Variants in EFL1 observed in about 807,000 individuals in gnomAD.
EFL1 encodes elongation factor-like GTPase 1.
In EFL1, 76 loss-of-function variants were observed where a neutral mutation model predicts 126.7. The ratio of observed to expected loss-of-function variants is 0.60; its 90% CI spans 0.50 to 0.73. The LOEUF (loss-of-function observed/expected upper bound fraction) is 0.73. Ranked by LOEUF, EFL1 falls within the 30% of genes least tolerant of loss-of-function variation. The pLI is 0.00. For synonymous variants in EFL1, 410 were observed against 448.4 expected, an observed-to-expected ratio of 0.91 and a Z score of 1.08; for missense variants, 1,128 against 1,343.2, an observed-to-expected ratio of 0.84 and a Z score of 2.50.
At chr15:82,208,060 C>G (rs2074544874) in intron 15 of EFL1, among the ~76,000 whole-genome samples, 1 of 152,094 alleles carries the variant, frequency 6.6e-6, no homozygotes, top group Non-Finnish European at 1.5e-5. Flanking sequence ...ATGGTTTACA[C>G]TATACTGAAA....
intron 15 of EFL1, among the ~76,000 whole-genome samples, chr15:82,208,290 T>C (rs2074546740): frequency 6.6e-6 from 1 of 152,206 alleles, no homozygotes; most frequent in Non-Finnish European, 1.5e-5. Flanking sequence ...GAAGAAAAGG[T>C]AATTCTTACG....
intron 15 of EFL1, among the ~76,000 whole-genome samples, chr15:82,197,709 G>C (rs1479598226): frequency 1.3e-5 from 2 of 152,162 alleles, no homozygotes; most frequent in South Asian, 4.1e-4. Flanking sequence ...AGTTGGAAGA[G>C]GGGTAGGAGG....
chr15:82,256,154 C>T (rs2075064849), intron 3 of EFL1, among the ~76,000 whole-genome samples: 1 of 152,134 alleles, frequency 6.6e-6, no homozygotes. Context: ...GTGCTATCCA[C>T]CAGGCCGGAG....
intron 15 of EFL1, among the ~76,000 whole-genome samples, chr15:82,180,211 C>T (rs2074235156): frequency 6.6e-6 from 1 of 152,144 alleles, no homozygotes; most frequent in South Asian, 2.1e-4. Flanking sequence ...CTCCTACTCA[C>T]TATGGCCTTA....
At chr15:82,244,525 T>A (rs896098290) in intron 4 of EFL1, among the ~76,000 whole-genome samples, 6 of 152,134 alleles carry the variant, frequency 3.9e-5, no homozygotes, top group Admixed American at 1.3e-4. Context: ...TCTGCTGCTT[T>A]ACTTCCCAGG....
In EFL1 at chr15:82,169,463, G is replaced by T. The variant is rs181707307; in HGVS notation, c.1751-5479C>A. ...GCTAAGTCTTGGTGGTTTTTTAGGA[G>T]CTGGGAAGAAGGGACAAGAAGGAAA... On this transcript the variant is annotated intron_variant, in intron 15 of 19. Coordinates refer to ENST00000268206, the MANE Select transcript of EFL1 (RefSeq NM_024580.6). 2.6e-5 allele frequency among the ~76,000 whole-genome samples: 4 copies of T among 152,208 alleles called. No individual in the cohort carries two copies. The East Asian group carries it at 5.8e-4, about 22-fold the overall frequency.
At chr15:82,212,733 A>T (rs2074603179) in intron 15 of EFL1, among the ~76,000 whole-genome samples, 1 of 152,226 alleles carries the variant, frequency 6.6e-6, no homozygotes, top group East Asian at 1.9e-4. Context: ...AGCCATTCAC[A>T]ACCCCAATAT....
intron 15 of EFL1, among the ~76,000 whole-genome samples, chr15:82,189,204 G>C (rs2074332834): frequency 6.6e-6 from 1 of 152,232 alleles, no homozygotes; most frequent in African/African-American, 2.4e-5. Context: ...ACACAGAAAA[G>C]TTTCAGTAAA....
At position 82,157,624 on chromosome 15, in the gene EFL1, G is replaced by A. The variant is rs75321500; in HGVS notation, c.2030+89C>T. On this transcript the variant is annotated intron_variant, in intron 17 of 19. Transcript: ENST00000268206. ...TTTCATTTTTCTCCAAAAATAAGCC[G>A]CAGTCTAAGTTCAACTGGTTTAGGA... 2.3e-4 allele frequency: 320 copies of A among 1,388,246 alleles called. 1 individual carries two copies. Among genetic ancestry groups the A allele is most frequent in the East Asian group, 1.5e-3 (62 of 41,844 alleles). 86.0% of individuals were successfully genotyped at this position (1,388,246 alleles called of 1,614,324 possible).
At chr15:82,186,953 C>T (rs1326477198) in intron 15 of EFL1, among the ~76,000 whole-genome samples, 1 of 152,142 alleles carries the variant, frequency 6.6e-6, no homozygotes, top group African/African-American at 2.4e-5. Flanking sequence ...GGAACCTCAG[C>T]CTGTAGTGAT....
At chr15:82,221,546 C>T (rs1171811637) in intron 12 of EFL1, among the ~76,000 whole-genome samples, 2 of 152,198 alleles carry the variant, frequency 1.3e-5, no homozygotes, top group East Asian at 1.9e-4. Flanking sequence ...CAGGACTAGA[C>T]ACTACTTCTG....
chr15:82,207,356 CTAACT>C (rs1432468512), intron 15 of EFL1, among the ~76,000 whole-genome samples: 1 of 150,842 alleles, frequency 6.6e-6, no homozygotes, highest in African/African-American at 2.4e-5. Flanking sequence ...ATAAATTCCT[CTAACT>C]TAACAAATGA....
At chr15:82,228,862 G>C (rs564384737) in intron 9 of EFL1, among the ~76,000 whole-genome samples, 172 bp downstream of exon 9, 1 of 152,138 alleles carries the variant, frequency 6.6e-6, no homozygotes, top group Admixed American at 6.5e-5. Flanking sequence ...CCTTTAGCTG[G>C]GTTACATAGG....
In EFL1 at chr15:82,224,856, A is replaced by G. The variant is rs181708276; in HGVS notation, c.1292+309T>C. 1.7e-3 allele frequency among the ~76,000 whole-genome samples: 266 copies of G among 152,370 alleles called. 1 individual carries two copies. The highest frequency in any genetic ancestry group is 2.8e-3 in the Non-Finnish European group (191 of 68,034). On this transcript the variant is annotated intron_variant, in intron 12 of 19. Coordinates refer to ENST00000268206, the MANE Select transcript of EFL1 (RefSeq NM_024580.6). ...GGCAGAATTAGATGAGACAAGGCAG[A>G]CTTAGATTAGAACTTGCCTGACATG...
rs777015162 is a variant in EFL1 at position 82,151,952 on chromosome 15, G to A, written c.2502C>T (p.Asn834=). The part of the protein sequence containing the change: ...WSFGPRKCGP[N]ILVNKSEDFQ... ...AATCTTCACTTTTATTGACTAGTAT[G>A]TTGGGCCCACATTTTCTTGGGCCAA... Residue 834 remains asparagine (N), a synonymous_variant, in exon 18 of 20, where the codon AAC becomes AAT. Transcript: ENST00000268206. 6.2e-6 allele frequency: 10 copies of A among 1,613,990 alleles called. No individual in the cohort carries two copies. Among genetic ancestry groups the A allele is most frequent in the African/African-American group, 1.3e-5 (1 of 74,908 alleles).
chr15:82,201,864 T>C (rs1053615643), intron 15 of EFL1, among the ~76,000 whole-genome samples: 2 of 149,908 alleles, frequency 1.3e-5, no homozygotes, highest in Admixed American at 6.6e-5. Flanking sequence ...TTAATACATA[T>C]GCCTCCCAGT....
At chr15:82,232,489 T>C (rs1357046106) in intron 7 of EFL1, among the ~76,000 whole-genome samples, 1 of 152,200 alleles carries the variant, frequency 6.6e-6, no homozygotes, top group African/African-American at 2.4e-5. Flanking sequence ...CCCCAAACCA[T>C]GTGCCTACAG....
intron 15 of EFL1, among the ~76,000 whole-genome samples, chr15:82,167,115 T>G (rs556527561): frequency 1.3e-5 from 2 of 152,280 alleles, no homozygotes; most frequent in South Asian, 4.1e-4. Context: ...TTTATGTTTA[T>G]CAAAAAAGTA....
At chr15:82,252,243 T>C (rs1257843630) in intron 4 of EFL1, among the ~76,000 whole-genome samples, 3 of 152,238 alleles carry the variant, frequency 2.0e-5, no homozygotes, top group Non-Finnish European at 4.4e-5. Context: ...CTCATATACT[T>C]ACATGACTAT....
Sources: allele counts gnomAD v4.1 joint callset (sites outside exome capture counted in the v4.1 genomes callset), GRCh38; gene constraint gnomAD v4.1.1; transcripts MANE v1.5; gene names NCBI Gene and HGNC (gene_info 2026-07-23, HGNC 2026-07-21).